The following MAPK10 variants were observed in gnomAD, a reference collection of about 807,000 sequenced individuals.
MAPK10 encodes mitogen-activated protein kinase 10, also known as JNK3 alpha protein kinase.
A neutral mutation model predicts 59.3 loss-of-function variants in MAPK10; 25 were observed. The observed-to-expected ratio is 0.42, with a 90% confidence interval of 0.31 to 0.59. MAPK10 has a LOEUF of 0.59. Among genes scored for constraint, MAPK10 ranks in the 20% least tolerant of loss-of-function variants. The pLI is 0.15. For synonymous variants in MAPK10, 190 were observed against 200.5 expected, an observed-to-expected ratio of 0.95 and a Z score of 0.44; for missense variants, 351 against 568.9, an observed-to-expected ratio of 0.62 and a Z score of 3.90.
chr4:86,275,562 C>A (rs1357594395), intron 2 of MAPK10, among the ~76,000 whole-genome samples: 2 of 151,900 alleles, frequency 1.3e-5, no homozygotes, highest in Non-Finnish European at 1.5e-5. Flanking sequence ...TCTGCCCCAG[C>A]CTAAAGATCC....
intron 1 of MAPK10, among the ~76,000 whole-genome samples, chr4:86,411,840 T>G (rs1345097531): frequency 1.3e-5 from 2 of 152,236 alleles, no homozygotes; most frequent in Non-Finnish European, 2.9e-5. Flanking sequence ...TGATGGGTCT[T>G]GACTCTTTAT....
intron 1 of MAPK10, among the ~76,000 whole-genome samples, chr4:86,489,956 T>C (rs970043547): frequency 3.9e-5 from 6 of 152,218 alleles, no homozygotes; most frequent in East Asian, 1.9e-4. Flanking sequence ...TCCAGCATCA[T>C]GGTCTAACCA....
At chr4:86,541,484 G>A (rs1758692024) in intron 1 of MAPK10, among the ~76,000 whole-genome samples, 1 of 152,194 alleles carries the variant, frequency 6.6e-6, no homozygotes, top group African/African-American at 2.4e-5. Context: ...AAGGGGAGAA[G>A]AAGTGGTAGA....
intron 5 of MAPK10, among the ~76,000 whole-genome samples, chr4:86,105,825 A>G (rs1408906464): frequency 6.6e-6 from 1 of 152,086 alleles, no homozygotes; most frequent in Non-Finnish European, 1.5e-5. Context: ...CAGTTCATAA[A>G]ATTTCAATTT....
At chr4:86,198,384 G>A (rs1020293850) in intron 2 of MAPK10, among the ~76,000 whole-genome samples, 3 of 152,034 alleles carry the variant, frequency 2.0e-5, no homozygotes, top group Admixed American at 1.3e-4. Context: ...TGGGAACTGG[G>A]GCCCGAGGAA....
chr4:86,139,101 T>C (rs1303640858), intron 4 of MAPK10, among the ~76,000 whole-genome samples: 3 of 141,438 alleles, frequency 2.1e-5, no homozygotes, highest in Non-Finnish European at 4.6e-5. Flanking sequence ...AAAATGGCCA[T>C]ACTGCCCAAG....
At chr4:86,298,385 T>C (rs1005326785) in intron 2 of MAPK10, among the ~76,000 whole-genome samples, 2 of 151,948 alleles carry the variant, frequency 1.3e-5, no homozygotes, top group African/African-American at 4.8e-5. Flanking sequence ...AGGTCTGAAG[T>C]TTCTATTATT....
chr4:86,477,593 C>T (rs925831030), intron 1 of MAPK10, among the ~76,000 whole-genome samples: 1 of 152,172 alleles, frequency 6.6e-6, no homozygotes, highest in Non-Finnish European at 1.5e-5. Context: ...CCACAGCACG[C>T]TTTAAAAGGA....
chr4:86,256,171 T>C (rs1390293227), intron 2 of MAPK10, among the ~76,000 whole-genome samples: 1 of 152,194 alleles, frequency 6.6e-6, no homozygotes, highest in East Asian at 1.9e-4. Flanking sequence ...TTGTACATTA[T>C]AACATTGTCT....
intron 2 of MAPK10, among the ~76,000 whole-genome samples, chr4:86,330,549 GT>G (rs1477447281): frequency 6.7e-6 from 1 of 149,432 alleles, no homozygotes; most frequent in East Asian, 1.9e-4. Context: ...TCTCATGATG[GT>G]GAGTGAGTTC....
chr4:86,542,982 C>T (rs1411325043), intron 1 of MAPK10, among the ~76,000 whole-genome samples: 5 of 152,160 alleles, frequency 3.3e-5, no homozygotes. Context: ...GCACCTTGAG[C>T]ACACTGCCTC....
At chr4:86,282,302 C>G (rs1358942697) in intron 2 of MAPK10, among the ~76,000 whole-genome samples, 1 of 152,110 alleles carries the variant, frequency 6.6e-6, no homozygotes, top group Non-Finnish European at 1.5e-5. Context: ...TTATGCATGG[C>G]TAATCAAGAA....
intron 2 of MAPK10, among the ~76,000 whole-genome samples, chr4:86,246,100 G>T (rs1355881146): frequency 6.6e-6 from 1 of 152,080 alleles, no homozygotes; most frequent in Non-Finnish European, 1.5e-5. Context: ...TCATTACAAA[G>T]AAATAAACAT....
intron 2 of MAPK10, among the ~76,000 whole-genome samples, chr4:86,352,007 A>C (rs1042470925): frequency 6.6e-6 from 1 of 152,234 alleles, no homozygotes; most frequent in Non-Finnish European, 1.5e-5. Flanking sequence ...TATGAGTACA[A>C]TTATGTATCT....
intron 1 of MAPK10, among the ~76,000 whole-genome samples, chr4:86,418,682 AT>A: frequency 6.6e-6 from 1 of 152,320 alleles, no homozygotes; most frequent in South Asian, 2.1e-4. Context: ...AAATATGAAA[AT>A]CTCTCTCCTT....
At chr4:86,489,227 A>G (rs2149074503) in intron 1 of MAPK10, among the ~76,000 whole-genome samples, 1 of 152,296 alleles carries the variant, frequency 6.6e-6, no homozygotes, top group East Asian at 1.9e-4. Flanking sequence ...CTTAATTGTG[A>G]GCTAAATAAT....
At chr4:86,575,527 C>T (rs539407839) in intron 1 of MAPK10, among the ~76,000 whole-genome samples, 3 of 151,940 alleles carry the variant, frequency 2.0e-5, no homozygotes, top group Admixed American at 6.6e-5. Flanking sequence ...GGTAGATATC[C>T]TTTATCAGGT....
chr4:86,192,811 C>A (rs576498647), intron 3 of MAPK10: 3 of 152,126 alleles, frequency 2.0e-5, no homozygotes, highest in African/African-American at 7.2e-5. Flanking sequence ...AGCTTTGTTC[C>A]CTTGCTGGCG....
chr4:86,361,112 C>T (rs928479091), upstream of MAPK10, among the ~76,000 whole-genome samples: 1 of 152,136 alleles, frequency 6.6e-6, no homozygotes, highest in African/African-American at 2.4e-5. Flanking sequence ...AAGCTTCTTC[C>T]ATATGTTACC....
Sources: allele counts gnomAD v4.1 joint callset (sites outside exome capture counted in the v4.1 genomes callset), GRCh38; gene constraint gnomAD v4.1.1; transcripts MANE v1.5; gene names NCBI Gene and HGNC (gene_info 2026-07-23, HGNC 2026-07-21).